The following SYT1 variants were observed in gnomAD, a reference collection of about 807,000 sequenced individuals.
SYT1 encodes synaptotagmin-1.
In SYT1, 8 loss-of-function variants were observed where a neutral mutation model predicts 44.8. The ratio of observed to expected loss-of-function variants is 0.18; its 90% CI spans 0.10 to 0.32. SYT1 has a LOEUF of 0.32. Ranked by LOEUF, SYT1 falls within the 10% of genes least tolerant of loss-of-function variation. SYT1 has a pLI of 1.00. For missense variants in SYT1, 286 were observed against 509.3 expected (o/e 0.56, Z 4.22); for synonymous variants, 154 against 188.8 (o/e 0.82, Z 1.51).
intron 1 of SYT1, among the ~76,000 whole-genome samples, chr12:78,881,204 A>T (rs1043672291): frequency 2.0e-5 from 3 of 151,398 alleles, no homozygotes; most frequent in Admixed American, 6.6e-5. Context: ...ACCCCCAAAT[A>T]CTTCCCTCCT....
At chr12:78,957,982 C>T (rs1315838659) in intron 1 of SYT1, among the ~76,000 whole-genome samples, 1 of 152,094 alleles carries the variant, frequency 6.6e-6, no homozygotes, top group African/African-American at 2.4e-5. Context: ...TTTAATTTCT[C>T]TTTTCCTTTA....
chr12:78,896,572 A>G (rs952410148), intron 1 of SYT1, among the ~76,000 whole-genome samples: 2 of 151,772 alleles, frequency 1.3e-5, no homozygotes, highest in African/African-American at 4.8e-5. Context: ...TTTAACTTGA[A>G]ATTAAGAGCA....
At chr12:79,116,029 G>C (rs1418944175) in intron 3 of SYT1, among the ~76,000 whole-genome samples, 2 of 152,174 alleles carry the variant, frequency 1.3e-5, no homozygotes, top group Non-Finnish European at 2.9e-5. Flanking sequence ...ATATTTGTTT[G>C]ATACCTGGTT....
At chr12:79,222,380 T>TAC (rs377546540) in intron 4 of SYT1, among the ~76,000 whole-genome samples, 4 of 141,820 alleles carry the variant, frequency 2.8e-5, no homozygotes, top group Admixed American at 1.4e-4. Context: ...TTATTTACTT[T>TAC]TTTTTTCTTT....
intron 2 of SYT1, among the ~76,000 whole-genome samples, chr12:79,023,417 A>G (rs754206472): frequency 1.3e-5 from 2 of 151,738 alleles, no homozygotes; most frequent in Non-Finnish European, 2.9e-5. Context: ...GGGGCTCCAC[A>G]GAGGATGTCT....
chr12:79,002,909 C>G (rs757855576), intron 2 of SYT1, among the ~76,000 whole-genome samples: 14 of 152,106 alleles, frequency 9.2e-5, no homozygotes, highest in Non-Finnish European at 1.5e-4. Context: ...GTACAAGGAT[C>G]TTTTATTTAT....
At chr12:79,092,814 A>G (rs1475273005) in intron 3 of SYT1, among the ~76,000 whole-genome samples, 1 of 151,762 alleles carries the variant, frequency 6.6e-6, no homozygotes, top group Non-Finnish European at 1.5e-5. Context: ...CTTTTAGAGA[A>G]GAAGCAAAAC....
intron 1 of SYT1, among the ~76,000 whole-genome samples, chr12:78,898,922 C>A (rs1023383309): frequency 2.6e-5 from 4 of 152,038 alleles, no homozygotes; most frequent in Admixed American, 6.6e-5. Context: ...TGTTTTCCAA[C>A]AATTGATTGC....
intron 9 of SYT1, among the ~76,000 whole-genome samples, chr12:79,395,575 C>T (rs1015688128): frequency 2.0e-5 from 3 of 152,066 alleles, no homozygotes; most frequent in Admixed American, 1.3e-4. Flanking sequence ...TTTGTAGAGA[C>T]GTCATCTCAC....
rs1011585606 is a variant in SYT1, at chr12:78,977,854, G to T, written c.-161G>T. 1.3e-5 allele frequency: 2 copies of T among 152,190 alleles called. No homozygotes were observed. The highest frequency in any genetic ancestry group is 2.4e-5 in the African/African-American group (1 of 41,454). The allele number at this position is 152,190 out of a possible 1,614,324, so 9.4% of individuals were successfully genotyped here. A position where few individuals can be genotyped will look rare whatever the true frequency, so the allele number is the denominator to read the frequency against. The stretch of plus-strand genomic sequence containing the variant: ...AGAACTAGCAAGAGCTTGAACAAAC[G>T]CCTGGACTCAGATTGGAAGACTGCT... On this transcript the variant is annotated 5_prime_UTR_variant, in exon 2 of 11. Transcript: ENST00000261205.
At chr12:78,915,724 GA>G (rs1876615116) in intron 1 of SYT1, among the ~76,000 whole-genome samples, 1 of 151,284 alleles carries the variant, frequency 6.6e-6, no homozygotes. Flanking sequence ...CTAGAATTTT[GA>G]AAATGTTTTA....
intron 1 of SYT1, among the ~76,000 whole-genome samples, chr12:78,947,119 T>G (rs774605007): frequency 1.3e-5 from 2 of 152,218 alleles, no homozygotes; most frequent in African/African-American, 4.8e-5. Flanking sequence ...GTTGTTTGGA[T>G]TTTTAAAAGC....
intron 3 of SYT1, among the ~76,000 whole-genome samples, chr12:79,210,024 G>A (rs566773302): frequency 3.9e-4 from 60 of 152,124 alleles, no homozygotes; most frequent in African/African-American, 1.4e-3. Context: ...AAATAGAGAT[G>A]GAAATAATGC....
intron 3 of SYT1, among the ~76,000 whole-genome samples, chr12:79,127,463 T>C (rs1356272243): frequency 6.6e-6 from 1 of 151,620 alleles, no homozygotes; most frequent in Non-Finnish European, 1.5e-5. Flanking sequence ...CCAGTGTAGG[T>C]GGTAACAGCC....
chr12:79,254,004 A>T lies in SYT1; in HGVS notation c.167-31783A>T, dbSNP rs185337812. 3.6e-3 allele frequency among the ~76,000 whole-genome samples: 546 copies of T among 152,312 alleles called. 2 individuals are homozygous for T. The Middle Eastern group carries it at 0.037, about 10-fold the overall frequency. ...GTTTAAGGAAAGAAGTTGCCTCCAG[A>T]CCATCAAAGTGCAAGGTGAAGCAGG... On this transcript the variant is annotated intron_variant, in intron 4 of 10. Coordinates refer to ENST00000261205, the MANE Select transcript of SYT1 (RefSeq NM_005639.3).
chr12:78,914,539 T>TAG (rs1174973133), intron 1 of SYT1, among the ~76,000 whole-genome samples: 1 of 151,940 alleles, frequency 6.6e-6, no homozygotes, highest in African/African-American at 2.4e-5. Flanking sequence ...TGAGTATAGA[T>TAG]AGATAGAGCG....
At chr12:79,126,523 T>G (rs1868450735) in intron 3 of SYT1, among the ~76,000 whole-genome samples, 1 of 152,164 alleles carries the variant, frequency 6.6e-6, no homozygotes, top group Admixed American at 6.5e-5. Context: ...CCTCCCAAAG[T>G]GCTGAGATTA....
At chr12:79,022,476 T>C (rs1186673463) in intron 2 of SYT1, among the ~76,000 whole-genome samples, 1 of 151,790 alleles carries the variant, frequency 6.6e-6, no homozygotes, top group Admixed American at 6.6e-5. Flanking sequence ...CACTGGAGTT[T>C]TCTAGAGGTT....
chr12:79,045,302 G>T (rs1311527842), intron 2 of SYT1, among the ~76,000 whole-genome samples: 2 of 152,250 alleles, frequency 1.3e-5, no homozygotes, highest in East Asian at 1.9e-4. Flanking sequence ...CGCCGAGCCA[G>T]GTGCGGGATA....
Sources: allele counts gnomAD v4.1 joint callset (sites outside exome capture counted in the v4.1 genomes callset), GRCh38; gene constraint gnomAD v4.1.1; transcripts MANE v1.5; gene names NCBI Gene and HGNC (gene_info 2026-07-23, HGNC 2026-07-21).